Variants in ZNF385B observed in about 807,000 individuals in gnomAD.
ZNF385B encodes the protein zinc finger protein 533.
Under a neutral mutation model 39.2 loss-of-function variants are expected in ZNF385B, and 23 were observed. The observed-to-expected ratio is 0.59, with a 90% CI of 0.42 to 0.83. The LOEUF is 0.83. ZNF385B is among the 40% of genes least tolerant of loss of function. ZNF385B has a pLI of 0.00. For missense variants in ZNF385B, 552 were observed against 598.9 expected, an observed-to-expected ratio of 0.92 and a Z score of 0.82; for synonymous variants, 205 against 222.6, an observed-to-expected ratio of 0.92 and a Z score of 0.70.
At chr2:179,545,109 A>G in intron 3 of ZNF385B, 140 bp from the exon 4 acceptor site, 1 of 935,924 alleles carries the variant, frequency 1.1e-6, no homozygotes, top group Non-Finnish European at 1.6e-6. Flanking sequence ...ATGGCACAGG[A>G]GTAGTAAACA....
intron 4 of ZNF385B, among the ~76,000 whole-genome samples, chr2:179,519,387 T>C (rs991155503): frequency 6.6e-6 from 1 of 152,260 alleles, no homozygotes; most frequent in African/African-American, 2.4e-5. Context: ...ATGTCAGAAC[T>C]GTACACTTAA....
Position 179,443,105 on chromosome 2 carries a change from T to C in ZNF385B, c.*145A>G, listed in dbSNP as rs1420692509. ...CCTCGTCAATCTAGTGATGTGTTTC[T>C]CTCTGGAATTGGGGGACTGGGTGGT... On this transcript the variant is annotated 3_prime_UTR_variant, in exon 10 of 10. Coordinates refer to ENST00000410066, the MANE Select transcript of ZNF385B (RefSeq NM_152520.6). 3 of 851,654 alleles carry C rather than the reference T, an allele frequency of 3.5e-6. No individual in the cohort carries two copies. Among genetic ancestry groups the C allele is most frequent in the African/African-American group, 3.4e-5 (2 of 59,642 alleles). The allele number at this position is 851,654 out of a possible 1,614,324, so 52.8% of individuals were successfully genotyped here. A position where few individuals can be genotyped will look rare whatever the true frequency, so the allele number is the denominator to read the frequency against.
chr2:179,858,713 G>A (rs185048504), intron 1 of ZNF385B, among the ~76,000 whole-genome samples: 60 of 152,186 alleles, frequency 3.9e-4, no homozygotes, highest in Middle Eastern at 3.4e-3. Flanking sequence ...CATAAAAAGC[G>A]GTGGGAAACT....
intron 3 of ZNF385B, among the ~76,000 whole-genome samples, chr2:179,620,366 C>A (rs1690109544): frequency 3.9e-5 from 6 of 152,110 alleles, no homozygotes; most frequent in Admixed American, 3.3e-4. Context: ...ATTGTGATAT[C>A]CTGAAAAAGA....
chr2:179,617,662 C>T (rs1021857824), intron 3 of ZNF385B, among the ~76,000 whole-genome samples: 11 of 152,090 alleles, frequency 7.2e-5, no homozygotes, highest in African/African-American at 2.7e-4. Flanking sequence ...CTTACAAGTC[C>T]TCATGTGGTA....
chr2:179,812,163 G>A (rs1706775186), intron 1 of ZNF385B, among the ~76,000 whole-genome samples: 1 of 151,836 alleles, frequency 6.6e-6, no homozygotes, highest in African/African-American at 2.4e-5. Context: ...GGGTTGCAGA[G>A]AAAGGGGAAT....
chr2:179,785,305 T>C lies in ZNF385B; in HGVS notation c.-154-14633A>G, dbSNP rs574933788. Among the ~76,000 whole-genome samples, 13 of 152,248 alleles carry C rather than the reference T, an allele frequency of 8.5e-5. No homozygotes were observed. The South Asian group carries it at 2.1e-3, about 24-fold the overall frequency. The stretch of plus-strand genomic sequence containing the variant: ...GGTATACTCAATTTGTAGAAATCCA[T>C]TGATCTATACATTTACAACAGGCAT... On this transcript the variant is annotated intron_variant, in intron 1 of 9. Transcript: ENST00000410066.
intron 5 of ZNF385B, among the ~76,000 whole-genome samples, chr2:179,493,002 A>C (rs2055410404): frequency 6.6e-6 from 1 of 152,154 alleles, no homozygotes; most frequent in African/African-American, 2.4e-5. Context: ...AAACTAAAAT[A>C]ATAGTATCTA....
chr2:179,507,909 A>G (rs2057369731), intron 5 of ZNF385B, among the ~76,000 whole-genome samples: 1 of 152,154 alleles, frequency 6.6e-6, no homozygotes, highest in Non-Finnish European at 1.5e-5. Context: ...AGACTTTCCC[A>G]AAAAACTGCT....
intron 6 of ZNF385B, among the ~76,000 whole-genome samples, chr2:179,476,016 C>CAAAA (rs34327373): frequency 5.3e-5 from 3 of 57,032 alleles, no homozygotes; most frequent in Admixed American, 2.2e-4. Flanking sequence ...GCCTCTGTCT[C>CAAAA]AAAAAAAAAA....
intron 3 of ZNF385B, among the ~76,000 whole-genome samples, chr2:179,738,068 G>A (rs1394180714): frequency 6.6e-6 from 1 of 152,124 alleles, no homozygotes; most frequent in Non-Finnish European, 1.5e-5. Context: ...ATATGCCTAA[G>A]TCACAATCTG....
intron 3 of ZNF385B, among the ~76,000 whole-genome samples, chr2:179,605,066 T>C (rs2106114025): frequency 6.6e-6 from 1 of 152,220 alleles, no homozygotes; most frequent in African/African-American, 2.4e-5. Flanking sequence ...GTCTCCCCTA[T>C]CTCAAGGATT....
chr2:179,755,127 T>C (rs1702929708), intron 3 of ZNF385B, among the ~76,000 whole-genome samples: 1 of 152,214 alleles, frequency 6.6e-6, no homozygotes, highest in South Asian at 2.1e-4. Flanking sequence ...TTCTGGTATG[T>C]TGTGTCTTTG....
At chr2:179,718,420 G>GATATATATATATATAT (rs1275649314) in intron 3 of ZNF385B, among the ~76,000 whole-genome samples, 2 of 146,388 alleles carry the variant, frequency 1.4e-5, no homozygotes, top group South Asian at 4.3e-4. Flanking sequence ...TTATCATAAA[G>GATATATATATATATAT]ATATATATAT....
intron 3 of ZNF385B, among the ~76,000 whole-genome samples, chr2:179,561,984 T>C (rs2061365576): frequency 6.6e-6 from 1 of 152,220 alleles, no homozygotes; most frequent in African/African-American, 2.4e-5. Flanking sequence ...ATGTGGATTC[T>C]TGGACATTTA....
At chr2:179,648,244 G>A (rs1182135534) in intron 3 of ZNF385B, among the ~76,000 whole-genome samples, 3 of 152,104 alleles carry the variant, frequency 2.0e-5, no homozygotes, top group Non-Finnish European at 2.9e-5. Flanking sequence ...TTGGGATGAG[G>A]AGGCATCTAA....
intron 3 of ZNF385B, among the ~76,000 whole-genome samples, chr2:179,724,595 T>C (rs1457307374): frequency 2.0e-5 from 3 of 152,196 alleles, no homozygotes; most frequent in Non-Finnish European, 2.9e-5. Context: ...AAGCCATTCA[T>C]ATAGGCTGAC....
intron 6 of ZNF385B, among the ~76,000 whole-genome samples, chr2:179,465,674 C>T (rs1517707): frequency 6.6e-6 from 1 of 151,898 alleles, no homozygotes; most frequent in Non-Finnish European, 1.5e-5. Flanking sequence ...TGTGCCACTA[C>T]CTCATTTTAG....
intron 1 of ZNF385B, among the ~76,000 whole-genome samples, chr2:179,813,667 A>T (rs925424198): frequency 1.3e-5 from 2 of 152,200 alleles, no homozygotes; most frequent in Admixed American, 6.5e-5. Context: ...GATAACACTT[A>T]TTAAATTGTC....
Sources: allele counts gnomAD v4.1 joint callset (sites outside exome capture counted in the v4.1 genomes callset), GRCh38; gene constraint gnomAD v4.1.1; transcripts MANE v1.5; gene names NCBI Gene and HGNC (gene_info 2026-07-23, HGNC 2026-07-21).